STRBP: variants seen among roughly 807,000 people sequenced by gnomAD.
STRBP encodes the protein spermatid perinuclear RNA-binding protein.
In STRBP, 13 loss-of-function variants were observed where a neutral mutation model predicts 80.1. The ratio of observed to expected loss-of-function variants is 0.16; its 90% CI spans 0.11 to 0.26. The LOEUF (loss-of-function observed/expected upper bound fraction) is 0.26, where lower values mean the gene tolerates loss of function less well. STRBP is among the 10% of genes least tolerant of loss of function. STRBP has a pLI of 1.00. For synonymous variants in STRBP, 284 were observed against 291.2 expected, an observed-to-expected ratio of 0.98 and a Z score of 0.25; for missense variants, 485 against 815.2, an observed-to-expected ratio of 0.59 and a Z score of 4.93.
rs1302312451 is a variant in STRBP, at chr9:123,126,582, AAG to A, written c.1943-911_1943-910del. 1.3e-5 allele frequency among the ~76,000 whole-genome samples: 2 copies of A among 152,180 alleles called. No individual in the cohort carries two copies. The highest frequency in any genetic ancestry group is 1.3e-4 in the Admixed American group (2 of 15,274). On this transcript the variant is annotated intron_variant, in intron 18 of 18. Transcript: ENST00000348403. This position sits in a 1 kb window ranked among gnomAD's most constrained non-coding sequence, Gnocchi z 4.4. ...ATGTTAAAGGAGGAAAGGGAGGAAC[AAG>A]AGAGAAAAAAAGACCAAGGAAAAAC...
At chr9:123,116,051 G>C (rs1564204829) in exon 3 of STRBP, 1 of 456,170 alleles carries the variant, frequency 2.2e-6, no homozygotes, top group African/African-American at 2.0e-5. Context: ...ATTTCCATAG[G>C]TTTTTTACCT....
chr9:123,143,701 A>G (rs967500125), intron 13 of STRBP, among the ~76,000 whole-genome samples: 1 of 152,228 alleles, frequency 6.6e-6, no homozygotes, highest in Non-Finnish European at 1.5e-5. Flanking sequence ...CAATAATTCT[A>G]TCTCTAGAAT....
chr9:123,191,926 A>G (rs570426020), intron 2 of STRBP, among the ~76,000 whole-genome samples: 9 of 152,360 alleles, frequency 5.9e-5, no homozygotes, highest in African/African-American at 2.2e-4. Context: ...AAAACACTGT[A>G]TAAGAGTGGA....
At chr9:123,166,196 A>T (rs1289015139) in intron 6 of STRBP, among the ~76,000 whole-genome samples, 2 of 152,224 alleles carry the variant, frequency 1.3e-5, no homozygotes, top group Non-Finnish European at 2.9e-5. Flanking sequence ...AATACTATAC[A>T]TCACTGGGTG....
chr9:123,263,279 T>G (rs1335478622), intron 1 of STRBP, among the ~76,000 whole-genome samples: 1 of 152,054 alleles, frequency 6.6e-6, no homozygotes, highest in Non-Finnish European at 1.5e-5. Flanking sequence ...AAGCAACCTA[T>G]GCTGAGACAG....
At position 123,125,585 on chromosome 9, in the gene STRBP, T is replaced by G. The variant is rs1295754704; in HGVS notation, c.*12A>C. On this transcript the variant is annotated 3_prime_UTR_variant, in exon 19 of 19. Coordinates refer to ENST00000348403, the MANE Select transcript of STRBP (RefSeq NM_018387.5). ...GTATTGTTGTTCAATAGGAATTAGC[T>G]TCTGTCATTTGCTAAAAGAATGAGT... 5 of 1,611,982 alleles carry G rather than the reference T, an allele frequency of 3.1e-6. No homozygotes were observed. Among genetic ancestry groups the G allele is most frequent in the Non-Finnish European group, 4.2e-6 (5 of 1,179,330 alleles).
rs187587459 is a variant in STRBP, at chr9:123,192,464, G to A, written c.-164-8166C>T. Among the ~76,000 whole-genome samples, 30 of 152,218 alleles carry A rather than the reference G, an allele frequency of 2.0e-4. No homozygotes were observed. The East Asian group carries it at 5.6e-3, about 28-fold the overall frequency. On this transcript the variant is annotated intron_variant, in intron 2 of 18. Transcript: ENST00000348403. ...TAAATTAAACTCAAACAAAGGGCTG[G>A]GTGCAGTGACACAGGCCTATAGTCC...
intron 2 of STRBP, among the ~76,000 whole-genome samples, chr9:123,200,653 C>T (rs761016743): frequency 6.7e-5 from 10 of 148,252 alleles, no homozygotes; most frequent in Non-Finnish European, 1.2e-4. Flanking sequence ...CTGCAAGCTC[C>T]GCCTCCTGGG....
chr9:123,248,261 G>GTTTTTTTTTT (rs1223848724), intron 1 of STRBP, among the ~76,000 whole-genome samples: 1 of 75,412 alleles, frequency 1.3e-5, no homozygotes, highest in Non-Finnish European at 2.4e-5. Flanking sequence ...CCCCTATCGT[G>GTTTTTTTTTT]TTTTTTTTTT....
At chr9:123,125,745 T>A (rs1027897615) in intron 18 of STRBP, 72 bp from the exon 19 acceptor site, 9 of 1,203,764 alleles carry the variant, frequency 7.5e-6, no homozygotes, top group African/African-American at 3.1e-5. Context: ...GGTAAAAAAA[T>A]ATCTGACAGT....
chr9:123,165,138 G>A (rs2037697939), intron 6 of STRBP, among the ~76,000 whole-genome samples: 1 of 152,024 alleles, frequency 6.6e-6, no homozygotes, highest in Non-Finnish European at 1.5e-5. Context: ...AAAATTAGCT[G>A]GGTGTGGTGG....
intron 1 of STRBP, among the ~76,000 whole-genome samples, chr9:123,245,609 C>G (rs922924990): frequency 6.6e-6 from 1 of 152,144 alleles, no homozygotes; most frequent in Non-Finnish European, 1.5e-5. Context: ...TCTCGATCTC[C>G]TGAACTCGTG....
At chr9:123,142,054 A>G (rs2036611240) in intron 13 of STRBP, among the ~76,000 whole-genome samples, 1 of 152,084 alleles carries the variant, frequency 6.6e-6, no homozygotes, top group African/African-American at 2.4e-5. Context: ...CCTCACCCTC[A>G]ATATTTAATC....
At chr9:123,200,990 C>A (rs1055664330) in intron 2 of STRBP, among the ~76,000 whole-genome samples, 2 of 151,630 alleles carry the variant, frequency 1.3e-5, no homozygotes, top group African/African-American at 2.4e-5. Context: ...GGAATTTGAC[C>A]ATTTCCTCTG....
intron 11 of STRBP, among the ~76,000 whole-genome samples, chr9:123,151,059 C>A (rs1445467120): frequency 6.6e-6 from 1 of 152,102 alleles, no homozygotes; most frequent in Non-Finnish European, 1.5e-5. Flanking sequence ...TCATAATAAC[C>A]AGGCACATGA....
chr9:123,233,069 G>C (rs2132584087), intron 2 of STRBP, among the ~76,000 whole-genome samples: 1 of 152,288 alleles, frequency 6.6e-6, no homozygotes. Context: ...TTTTATGTAT[G>C]TAAATTTTTT....
intron 1 of STRBP, among the ~76,000 whole-genome samples, chr9:123,268,009 A>C (rs1588172757): frequency 1.7e-5 from 2 of 120,130 alleles, no homozygotes; most frequent in South Asian, 2.8e-4. Flanking sequence ...ATCTGCCCAC[A>C]CCTTCCGCCT....
intron 14 of STRBP, among the ~76,000 whole-genome samples, chr9:123,138,941 G>T (rs1383101974): frequency 6.6e-6 from 1 of 152,084 alleles, no homozygotes; most frequent in Non-Finnish European, 1.5e-5. Flanking sequence ...GTAAACATGG[G>T]TTCCATGAAC....
chr9:123,224,740 A>G (rs1448577533), intron 2 of STRBP, among the ~76,000 whole-genome samples: 3 of 152,220 alleles, frequency 2.0e-5, no homozygotes, highest in African/African-American at 4.8e-5. Context: ...GAAGTGACCA[A>G]TTGGAACTTA....
Sources: gnomAD v4.1 joint callset for allele counts (sites outside exome capture counted in the v4.1 genomes callset) on GRCh38, gnomAD v4.1.1 for gene constraint, Gnocchi (gnomAD v3.1) non-coding constraint, MANE v1.5 for transcripts, NCBI Gene and HGNC (gene_info 2026-07-23, HGNC 2026-07-21) for gene names.